Variants in CCDC3 observed in about 807,000 individuals in gnomAD.
CCDC3 encodes coiled-coil domain-containing protein 3.
In CCDC3, 24 loss-of-function variants were observed where a neutral mutation model predicts 21.4. The ratio of observed to expected loss-of-function variants is 1.12; its 90% CI spans 0.81 to 1.58. CCDC3 has a LOEUF of 1.58. Ranked by LOEUF, CCDC3 falls within the 40% of genes most tolerant of loss-of-function variation. The pLI is 0.00. For synonymous variants in CCDC3, 186 were observed against 166.0 expected, an observed-to-expected ratio of 1.12 and a Z score of -0.93; for missense variants, 425 against 360.9, an observed-to-expected ratio of 1.18 and a Z score of -1.44.
At chr10:12,950,718 T>A (rs1391416465) in intron 2 of CCDC3, among the ~76,000 whole-genome samples, 2 of 152,174 alleles carry the variant, frequency 1.3e-5, no homozygotes, top group East Asian at 3.8e-4. Context: ...TCCTCGCCCA[T>A]GTCAGAAACC....
At chr10:12,952,658 G>A (rs1432941122) in intron 2 of CCDC3, among the ~76,000 whole-genome samples, 1 of 152,116 alleles carries the variant, frequency 6.6e-6, no homozygotes, top group Non-Finnish European at 1.5e-5. Flanking sequence ...GGTGCATGTG[G>A]CTATTTTATG....
intron 2 of CCDC3, among the ~76,000 whole-genome samples, chr10:12,942,318 C>T (rs747269128): frequency 6.6e-6 from 1 of 152,132 alleles, no homozygotes; most frequent in Non-Finnish European, 1.5e-5. Flanking sequence ...GGTTTTGTAT[C>T]TGGTACTGAT....
chr10:12,920,002 C>G (rs1834423287), intron 2 of CCDC3, among the ~76,000 whole-genome samples: 1 of 152,114 alleles, frequency 6.6e-6, no homozygotes, highest in Non-Finnish European at 1.5e-5. Context: ...GGGTTCTCAG[C>G]AGAAGGTTGT....
At chr10:13,032,618 A>C (rs1275289102) in intron 5 of CCDC3, among the ~76,000 whole-genome samples, 1 of 152,214 alleles carries the variant, frequency 6.6e-6, no homozygotes, top group African/African-American at 2.4e-5. Context: ...AAATCTCCTT[A>C]AGCGGATAAG....
intron 2 of CCDC3, among the ~76,000 whole-genome samples, chr10:12,975,871 G>A (rs1054658126): frequency 2.0e-5 from 3 of 152,202 alleles, no homozygotes; most frequent in Admixed American, 2.0e-4. Flanking sequence ...TGGTTTCAGT[G>A]AGTTGAAATG....
chr10:12,949,951 C>T (rs1243619704), intron 2 of CCDC3, among the ~76,000 whole-genome samples: 4 of 152,164 alleles, frequency 2.6e-5, no homozygotes, highest in Non-Finnish European at 5.9e-5. Flanking sequence ...ATGTGGTATC[C>T]ATATCTGTGT....
Position 12,941,830 on chromosome 10 carries a change from T to C in CCDC3, c.550-43151A>G, listed in dbSNP as rs74640919. ...TTTGAGACCCCTTTGTAATAGAAAA[T>C]TCCATCTATTAAGGAAGGAGATCTC... On this transcript the variant is annotated intron_variant, in intron 2 of 2. Transcript: ENST00000378825. 7.0e-3 allele frequency among the ~76,000 whole-genome samples: 1,073 copies of C among 152,240 alleles called. 17 individuals carry two copies. Among genetic ancestry groups the C allele is most frequent in the African/African-American group, 0.024 (992 of 41,538 alleles).
intron 2 of CCDC3, among the ~76,000 whole-genome samples, chr10:12,947,974 T>C (rs1834943043): frequency 6.6e-6 from 1 of 152,186 alleles, no homozygotes; most frequent in Admixed American, 6.5e-5. Flanking sequence ...GACCCAAGCT[T>C]TGAACACATG....
At chr10:12,928,545 TTG>T (rs1834584035) in intron 2 of CCDC3, among the ~76,000 whole-genome samples, 1 of 152,092 alleles carries the variant, frequency 6.6e-6, no homozygotes, top group Non-Finnish European at 1.5e-5. Flanking sequence ...GCCTCCAGAG[TTG>T]TCTCTTCAAC....
intron 1 of CCDC3, among the ~76,000 whole-genome samples, chr10:13,000,261 T>C (rs1407549888): frequency 6.6e-6 from 1 of 152,216 alleles, no homozygotes; most frequent in Non-Finnish European, 1.5e-5. Flanking sequence ...AGTTGTTTTA[T>C]ATCACTCTCC....
At chr10:13,062,784 C>T (rs1836773201) in intron 4 of CCDC3, among the ~76,000 whole-genome samples, 1 of 152,162 alleles carries the variant, frequency 6.6e-6, no homozygotes, top group Admixed American at 6.5e-5. Flanking sequence ...AGGAGTCATG[C>T]AGCTGGAGGC....
intron 2 of CCDC3, among the ~76,000 whole-genome samples, chr10:12,995,008 G>A (rs1192218694): frequency 1.3e-5 from 2 of 151,684 alleles, no homozygotes; most frequent in East Asian, 1.9e-4. Flanking sequence ...TTGAACCCTC[G>A]GAAGTGGGGA....
intron 3 of CCDC3, among the ~76,000 whole-genome samples, chr10:13,074,526 A>C (rs531590618): frequency 1.3e-5 from 2 of 151,020 alleles, no homozygotes; most frequent in South Asian, 2.1e-4. Flanking sequence ...AATGCTTTTA[A>C]TCCAAGGTCC....
intron 4 of CCDC3, among the ~76,000 whole-genome samples, chr10:13,071,254 C>A (rs1042605980): frequency 6.6e-6 from 1 of 152,060 alleles, no homozygotes; most frequent in Non-Finnish European, 1.5e-5. Flanking sequence ...TCAATTCCAC[C>A]GCTTCATCTC....
At chr10:12,962,424 G>A (rs1339066730) in intron 2 of CCDC3, among the ~76,000 whole-genome samples, 1 of 152,154 alleles carries the variant, frequency 6.6e-6, no homozygotes, top group Non-Finnish European at 1.5e-5. Context: ...CCACCATGGT[G>A]AAACCCTGTC....
chr10:12,905,685 C>A (rs1390050699), intron 2 of CCDC3, among the ~76,000 whole-genome samples: 1 of 152,188 alleles, frequency 6.6e-6, no homozygotes, highest in Admixed American at 6.5e-5. Context: ...CAATTTCAAA[C>A]CTCCAGGTGG....
At chr10:13,058,216 G>T in intron 4 of CCDC3, 4 of 1,279,900 alleles carry the variant, frequency 3.1e-6, no homozygotes, top group South Asian at 1.2e-5. Context: ...GATTGCCAGC[G>T]GTAGTTCTGG....
chr10:12,997,047 C>G (rs993733084), intron 2 of CCDC3, among the ~76,000 whole-genome samples: 1 of 152,012 alleles, frequency 6.6e-6, no homozygotes, highest in African/African-American at 2.4e-5. Flanking sequence ...CGTCATAAAC[C>G]TACACACGTA....
At chr10:12,973,528 C>T (rs1244606009) in intron 2 of CCDC3, among the ~76,000 whole-genome samples, 1 of 152,200 alleles carries the variant, frequency 6.6e-6, no homozygotes, top group Non-Finnish European at 1.5e-5. Flanking sequence ...AGGAGCCAAC[C>T]ATGTTCTTCC....
Sources: gnomAD v4.1 joint callset for allele counts (sites outside exome capture counted in the v4.1 genomes callset) on GRCh38, gnomAD v4.1.1 for gene constraint, MANE v1.5 for transcripts, NCBI Gene and HGNC (gene_info 2026-07-23, HGNC 2026-07-21) for gene names.